The following WDR72 variants were observed in gnomAD, a reference collection of about 807,000 sequenced individuals.
WDR72 encodes the protein WD repeat-containing protein 72.
A neutral mutation model predicts 124.2 loss-of-function variants in WDR72; 120 were observed. That is an observed-to-expected ratio of 0.97 (90% CI 0.83 to 1.12). The LOEUF (loss-of-function observed/expected upper bound fraction) is 1.12. Ranked by LOEUF, WDR72 falls within the 50% of genes most tolerant of loss-of-function variation. The pLI, the probability that WDR72 is intolerant of heterozygous loss-of-function variation, is 0.00. For synonymous variants in WDR72, 452 were observed against 441.7 expected, an observed-to-expected ratio of 1.02 and a Z score of -0.29; for missense variants, 1,387 against 1,278.8, an observed-to-expected ratio of 1.08 and a Z score of -1.29.
rs897943581 is a variant in WDR72 at position 53,727,155 on chromosome 15, T to C, written c.154-4247A>G. On this transcript the variant is annotated intron_variant, in intron 2 of 19. Coordinates refer to ENST00000360509, the MANE Select transcript of WDR72 (RefSeq NM_182758.4). ...AGTGAAACCCCATGTCTATTAAAAATACAAAAATTAGCTGGGTGTAGTGGA... is the reference window on the plus strand; with the variant it reads ...AGTGAAACCCCATGTCTATTAAAAACACAAAAATTAGCTGGGTGTAGTGGA... Among the ~76,000 whole-genome samples, 2 of 132,024 alleles carry C rather than the reference T, an allele frequency of 1.5e-5. 1 individual carries two copies. Among genetic ancestry groups the C allele is most frequent in the South Asian group, 4.7e-4 (2 of 4,264 alleles). 86.6% of individuals were successfully genotyped at this position (132,024 alleles called of 152,430 possible).
Position 53,597,115 on chromosome 15 carries a change from C to T in WDR72, c.3112G>A (p.Glu1038Lys). 6.2e-7 allele frequency: 1 copy of T among 1,613,876 alleles called. No individual in the cohort carries two copies. The highest frequency in any genetic ancestry group is 1.7e-5 in the Admixed American group (1 of 59,988). The stretch of plus-strand genomic sequence containing the variant: ...AAAGTGTTTCTAACACACTGTAACT[C>T]TAGTTCTTCTGTCCATTCCAGCTTT... ...LPKLEWTEEL[E>K]LQCVRNTLPL... The change falls in exon 18 of 20, where the codon GAG becomes AAG. Residue 1038 changes from glutamate (E) to lysine (K), a missense_variant. Transcript: ENST00000360509.
intron 14 of WDR72, among the ~76,000 whole-genome samples, chr15:53,653,499 T>A (rs921352887): frequency 6.6e-6 from 1 of 152,202 alleles, no homozygotes; most frequent in Non-Finnish European, 1.5e-5. Flanking sequence ...CTAACATCAG[T>A]GGAAATATGA....
chr15:53,650,743 A>G (rs1173821020), intron 14 of WDR72, among the ~76,000 whole-genome samples: 3 of 152,172 alleles, frequency 2.0e-5, no homozygotes, highest in Non-Finnish European at 4.4e-5. Context: ...TAGGTCAACT[A>G]GAGCACATAT....
At chr15:53,643,338 CTG>C (rs555245836) in intron 14 of WDR72, among the ~76,000 whole-genome samples, 45 of 152,208 alleles carry the variant, frequency 3.0e-4, no homozygotes, top group African/African-American at 9.6e-4. Context: ...GTTGTAATAA[CTG>C]TTTGTTGAGA....
chr15:53,689,658 C>T (rs549107044), intron 13 of WDR72, among the ~76,000 whole-genome samples: 5,784 of 148,404 alleles, frequency 0.039, 420 homozygotes, highest in African/African-American at 0.14. Context: ...GTCAGTGTGG[C>T]GATTCCTCAG....
intron 18 of WDR72, among the ~76,000 whole-genome samples, chr15:53,570,921 C>T (rs1894502194): frequency 6.6e-6 from 1 of 152,092 alleles, no homozygotes; most frequent in Admixed American, 6.6e-5. Context: ...GAAATCTTGT[C>T]CTTTGCAGCG....
At chr15:53,630,091 A>G (rs1311983070) in intron 14 of WDR72, among the ~76,000 whole-genome samples, 3 of 139,518 alleles carry the variant, frequency 2.2e-5, no homozygotes, top group African/African-American at 5.6e-5. Context: ...TGAATCTGCC[A>G]GCAAATTAGG....
At chr15:53,651,375 CTTGTT>C (rs1386545951) in intron 14 of WDR72, among the ~76,000 whole-genome samples, 4 of 152,150 alleles carry the variant, frequency 2.6e-5, no homozygotes, top group African/African-American at 9.7e-5. Flanking sequence ...ATCTGACAGT[CTTGTT>C]TTGTTTTGTT....
chr15:53,734,033 G>A (rs2018279045), intron 1 of WDR72, among the ~76,000 whole-genome samples: 3 of 152,184 alleles, frequency 2.0e-5, no homozygotes, highest in African/African-American at 7.2e-5. Context: ...AGAAAGTCAA[G>A]AAAATGAAAA....
At chr15:53,529,051 ACTT>A (rs1302452823) in intron 18 of WDR72, among the ~76,000 whole-genome samples, 6 of 151,202 alleles carry the variant, frequency 4.0e-5, no homozygotes, top group East Asian at 1.9e-4. Context: ...ATGTCCAAAA[ACTT>A]CTTATTAATG....
At chr15:53,518,719 C>A (rs1310961571) in intron 19 of WDR72, among the ~76,000 whole-genome samples, 1 of 151,058 alleles carries the variant, frequency 6.6e-6, no homozygotes, top group Non-Finnish European at 1.5e-5. Context: ...GTCCTACTTT[C>A]TGTTACCTGA....
At chr15:53,575,436 C>T (rs1894718265) in intron 18 of WDR72, among the ~76,000 whole-genome samples, 1 of 152,110 alleles carries the variant, frequency 6.6e-6, no homozygotes. Flanking sequence ...TAATTAATAA[C>T]ACAAACATCC....
intron 14 of WDR72, among the ~76,000 whole-genome samples, chr15:53,639,767 T>G (rs2014778770): frequency 6.6e-6 from 1 of 151,932 alleles, no homozygotes; most frequent in Non-Finnish European, 1.5e-5. Context: ...ACAGAAATTG[T>G]AGTCCTGAAG....
At chr15:53,545,075 T>C (rs1316477017) in intron 18 of WDR72, among the ~76,000 whole-genome samples, 4 of 148,290 alleles carry the variant, frequency 2.7e-5, no homozygotes, top group Non-Finnish European at 4.5e-5. Context: ...ATCGTGAAAA[T>C]GGCCATACTG....
intron 18 of WDR72, among the ~76,000 whole-genome samples, chr15:53,558,005 CGTT>C (rs1893992251): frequency 6.6e-6 from 1 of 151,844 alleles, no homozygotes; most frequent in African/African-American, 2.4e-5. Flanking sequence ...CCTCTTCCCT[CGTT>C]GATGCTGAAA....
intron 18 of WDR72, among the ~76,000 whole-genome samples, chr15:53,527,674 C>T (rs1175977606): frequency 6.6e-6 from 1 of 151,974 alleles, no homozygotes; most frequent in Non-Finnish European, 1.5e-5. Flanking sequence ...AAAGATAGAG[C>T]AGTTTGAAAT....
At chr15:53,562,037 A>G (rs1384555052) in intron 18 of WDR72, among the ~76,000 whole-genome samples, 5 of 151,816 alleles carry the variant, frequency 3.3e-5, no homozygotes, top group African/African-American at 9.7e-5. Flanking sequence ...ATACATTTTT[A>G]TCTCATGCTA....
intron 18 of WDR72, among the ~76,000 whole-genome samples, chr15:53,577,502 T>C (rs190278315): frequency 1.5e-4 from 23 of 152,272 alleles, no homozygotes; most frequent in Admixed American, 1.3e-3. Flanking sequence ...TTTAAGAGCA[T>C]AGTTTGAACC....
intron 1 of WDR72, among the ~76,000 whole-genome samples, chr15:53,747,252 T>TA (rs756813082): frequency 6.6e-6 from 1 of 152,112 alleles, no homozygotes; most frequent in Admixed American, 6.6e-5. Flanking sequence ...TTAGAAAAGG[T>TA]AAAAAAATAA....
Sources: gnomAD v4.1 joint callset for allele counts (sites outside exome capture counted in the v4.1 genomes callset) on GRCh38, gnomAD v4.1.1 for gene constraint, MANE v1.5 for transcripts, NCBI Gene and HGNC (gene_info 2026-07-23, HGNC 2026-07-21) for gene names.